Variants in HEATR1 observed in about 807,000 individuals in gnomAD.
HEATR1 encodes HEAT repeat-containing protein 1.
Under a neutral mutation model 248.2 loss-of-function variants are expected in HEATR1, and 77 were observed. That is an observed-to-expected ratio of 0.31 (90% CI 0.26 to 0.37). The LOEUF (loss-of-function observed/expected upper bound fraction) is 0.37, where lower values mean the gene tolerates loss of function less well. HEATR1 is among the 10% of genes least tolerant of loss of function. HEATR1 has a pLI of 1.00. For missense variants in HEATR1, 2,420 were observed against 2,504.9 expected (o/e 0.97, Z 0.72); for synonymous variants, 897 against 923.1 (o/e 0.97, Z 0.51).
chr1:236,578,570 T>TA (rs1663628766), intron 20 of HEATR1, among the ~76,000 whole-genome samples: 1 of 152,222 alleles, frequency 6.6e-6, no homozygotes, highest in South Asian at 2.1e-4. Flanking sequence ...CCTTCACTGA[T>TA]ACAGTCAATT....
At chr1:236,590,131 C>T (rs528495687) in intron 12 of HEATR1, among the ~76,000 whole-genome samples, 4 of 152,288 alleles carry the variant, frequency 2.6e-5, no homozygotes, top group Admixed American at 1.3e-4. Flanking sequence ...TAAAGACAAA[C>T]GAAACTGCAG....
intron 5 of HEATR1, 49 bp downstream of exon 5, chr1:236,597,829 G>T: frequency 8.4e-7 from 1 of 1,197,560 alleles, no homozygotes; most frequent in Non-Finnish European, 1.2e-6. Context: ...TTCATTCAAA[G>T]CAAGCAATCT....
rs779151020 is a variant in HEATR1 at position 236,556,233 on chromosome 1, C to T, written c.5381G>A (p.Ser1794Asn). 8.7e-6 allele frequency: 14 copies of T among 1,614,102 alleles called. No homozygotes were observed. The highest frequency in any genetic ancestry group is 1.2e-5 in the Non-Finnish European group (14 of 1,180,018). The change falls in exon 38 of 45, where the codon AGT (serine) becomes AAT (asparagine). Residue 1794 changes from serine to asparagine, a missense_variant. Transcript: ENST00000366582. ...SQVIHLEKITSEMGSASQANI... is the reference protein window; with the variant it reads ...SQVIHLEKITNEMGSASQANI... The stretch of plus-strand genomic sequence containing the variant: ...AGCCTGTGACGCAGAACCCATTTCA[C>T]TAGTGATTTTCTCCAGATGAATCAC...
At position 236,574,641 on chromosome 1, in the gene HEATR1, T is replaced by A. The variant is rs1663518474; in HGVS notation, c.3327+20A>T. On this transcript the variant is annotated intron_variant, in intron 23 of 44. Transcript: ENST00000366582. ...ATGCTTGAACATGCTATGCCTTAGT[T>A]TCTGAAAGAAATCACTGACCTTTTC... is the stretch of plus-strand genomic sequence containing the variant. The A allele has an allele frequency of 1.9e-6, 3 of 1,605,598 alleles. No homozygotes were observed. Among genetic ancestry groups the A allele is most frequent in the Non-Finnish European group, 2.6e-6 (3 of 1,176,084 alleles).
At chr1:236,592,429 G>T in intron 10 of HEATR1, 94 bp downstream of exon 10, 1 of 673,292 alleles carries the variant, frequency 1.5e-6, no homozygotes, top group Non-Finnish European at 2.7e-6. Flanking sequence ...GACAGTCTCT[G>T]TACAATTCAG....
At chr1:236,576,105 T>C in intron 22 of HEATR1, 114 bp downstream of exon 22, 1 of 686,528 alleles carries the variant, frequency 1.5e-6, no homozygotes, top group South Asian at 3.5e-5. Flanking sequence ...ATTACATTTA[T>C]CTCTTCTGAG....
rs1662586267 is a variant in HEATR1 at position 236,549,044 on chromosome 1, A to G, written c.*1858T>C. On this transcript the variant is annotated 3_prime_UTR_variant, in exon 45 of 45. Transcript: ENST00000366582. ...TATTTATGGGCAACAAAGTAAGGTCAGGATTAGACTTCAGGCATTCATAAG... is the reference window on the plus strand; with the variant it reads ...TATTTATGGGCAACAAAGTAAGGTCGGGATTAGACTTCAGGCATTCATAAG... The G allele has an allele frequency of 2.0e-5, 8 of 398,630 alleles. No individual in the cohort carries two copies. The highest frequency in any genetic ancestry group is 6.3e-4 in the Middle Eastern group (1 of 1,588). The allele number at this position is 398,630 out of a possible 1,614,324, so 24.7% of individuals were successfully genotyped here.
In HEATR1 at chr1:236,551,839, C is replaced by T. The variant is rs1558174180; in HGVS notation, c.6346+160G>A. On this transcript the variant is annotated intron_variant, in intron 44 of 44. Transcript: ENST00000366582. The stretch of plus-strand genomic sequence containing the variant: ...CTCCACCCAACTCAAAACAGGAGCT[C>T]GAGCCTGCCTGTATTTGAGACTGGA... The T allele has an allele frequency of 8.6e-6, 5 of 578,180 alleles. No homozygotes were observed. In the East Asian group the frequency reaches 1.2e-4, roughly 14 times the overall value. 35.8% of individuals were successfully genotyped at this position (578,180 alleles called of 1,614,324 possible).
intron 30 of HEATR1, 143 bp from the exon 31 acceptor site, chr1:236,566,188 T>C (rs1663264009): frequency 1.3e-6 from 1 of 746,218 alleles, no homozygotes; most frequent in South Asian, 2.0e-5. Context: ...CCAGATCCCA[T>C]GTCTAAGAAG....
chr1:236,566,122 G>A, intron 30 of HEATR1, 77 bp from the exon 31 acceptor site: 2 of 1,418,660 alleles, frequency 1.4e-6, no homozygotes, highest in South Asian at 1.3e-5. Flanking sequence ...ATGTGCGTTA[G>A]GATTTCTAGC....
At chr1:236,561,674 A>C (rs1407519) in intron 32 of HEATR1, among the ~76,000 whole-genome samples, 17,542 of 152,142 alleles carry the variant, frequency 0.12, 1,885 homozygotes, top group African/African-American at 0.28. Context: ...CCCACAAACA[A>C]AACCATCATC....
rs1663071989 is a variant in HEATR1, at chr1:236,559,727, T to G, written c.4757A>C (p.Asp1586Ala). The stretch of plus-strand genomic sequence containing the variant: ...ATGAACACCTACCTTATCTAACAGG[T>G]CGTAAGCTTTACTAAGGAGCGCGCG... Reference protein sequence around the residue: ...FWRALLSKAYDLLDKVNALLP... With the variant: ...FWRALLSKAYALLDKVNALLP... The change falls in exon 34 of 45, where the codon GAC becomes GCC. Residue 1586 changes from aspartate (D) to alanine (A), a missense_variant. Transcript: ENST00000366582. 1 of 1,613,210 alleles carries G rather than the reference T, an allele frequency of 6.2e-7. No individual in the cohort carries two copies. The highest frequency in any genetic ancestry group is 8.5e-7 in the Non-Finnish European group (1 of 1,179,456).
chr1:236,604,439 G>T lies in HEATR1; in HGVS notation c.-50C>A. 4.9e-6 allele frequency: 1 copy of T among 202,556 alleles called. No homozygotes were observed. Among genetic ancestry groups the T allele is most frequent in the Non-Finnish European group, 9.8e-6 (1 of 102,022 alleles). 12.5% of individuals were successfully genotyped at this position (202,556 alleles called of 1,614,324 possible). Reference sequence around the variant, plus strand: ...CCGCTTACCTGGAACTGGGAATTTGGGTATATCTTGGAAGGCAACAACTCT... The same window carrying T: ...CCGCTTACCTGGAACTGGGAATTTGTGTATATCTTGGAAGGCAACAACTCT... On this transcript the variant is annotated 5_prime_UTR_variant, in exon 1 of 45. Transcript: ENST00000366582.
intron 29 of HEATR1, 104 bp from the exon 30 acceptor site, chr1:236,566,980 CAGA>C (rs2103131097): frequency 1.4e-6 from 1 of 717,660 alleles, no homozygotes; most frequent in East Asian, 2.6e-5. Flanking sequence ...AAGAAATTGC[CAGA>C]AGAATTTTAT....
At position 236,574,755 on chromosome 1, in the gene HEATR1, T is replaced by C. The variant is rs909329329; in HGVS notation, c.3233A>G (p.Asp1078Gly). The change falls in exon 23 of 45, where the codon GAT (aspartate) becomes GGT (glycine). Residue 1078 changes from aspartate (D) to glycine (G), a missense_variant. By Grantham distance (94) the Asp-to-Gly change is moderately conservative. Coordinates refer to ENST00000366582, the MANE Select transcript of HEATR1 (RefSeq NM_018072.6). The part of the protein sequence containing the change: ...NEFSVSLLNE[D>G]PKSLDIFIKA... ...TATAAATATATCTAGACTCTTCGGATCCTCATTTAAAAGGGAAACTGAAAA... is the reference window on the plus strand; with the variant it reads ...TATAAATATATCTAGACTCTTCGGACCCTCATTTAAAAGGGAAACTGAAAA... 8 of 1,613,812 alleles carry C rather than the reference T, an allele frequency of 5.0e-6. No homozygotes were observed. In the African/African-American group the frequency reaches 9.3e-5, roughly 19 times the overall value.
At chr1:236,564,409 C>G (rs985801223) in intron 32 of HEATR1, 89 bp downstream of exon 32, 1 of 1,136,412 alleles carries the variant, frequency 8.8e-7, no homozygotes, top group African/African-American at 1.6e-5. Context: ...TTTTCATGAG[C>G]CATTTACCAA....
At chr1:236,599,931 C>T (rs1304678405) in intron 3 of HEATR1, among the ~76,000 whole-genome samples, 1 of 152,008 alleles carries the variant, frequency 6.6e-6, no homozygotes, top group Non-Finnish European at 1.5e-5. Flanking sequence ...CTTGCTCTGC[C>T]ACTCAGGCTG....
At position 236,564,430 on chromosome 1, in the gene HEATR1, CT is replaced by C. The variant is rs1334852974; in HGVS notation, c.4599+67del. ...TGAGCCATTTACCAAGCTACTTCTA[CT>C]GGTTGAGAACAGTTCCTTGGAGACA... On this transcript the variant is annotated intron_variant, in intron 32 of 44. Coordinates refer to ENST00000366582, the MANE Select transcript of HEATR1 (RefSeq NM_018072.6). 5.8e-6 allele frequency: 8 copies of C among 1,375,944 alleles called. No individual in the cohort carries two copies. In the East Asian group the frequency reaches 9.4e-5, roughly 16 times the overall value. The allele number at this position is 1,375,944 out of a possible 1,614,324, so 85.2% of individuals were successfully genotyped here. A position where few individuals can be genotyped will look rare whatever the true frequency, so the allele number is the denominator to read the frequency against.
intron 3 of HEATR1, among the ~76,000 whole-genome samples, chr1:236,602,232 T>A (rs1664345151): frequency 1.3e-5 from 2 of 152,174 alleles, no homozygotes; most frequent in Admixed American, 1.3e-4. Context: ...CTAAGCTTAC[T>A]GAGACAATTC....
Sources: allele counts gnomAD v4.1 joint callset (sites outside exome capture counted in the v4.1 genomes callset), GRCh38; gene constraint gnomAD v4.1.1; transcripts MANE v1.5; gene names NCBI Gene and HGNC (gene_info 2026-07-23, HGNC 2026-07-21).